The following SPATA6L variants were observed in gnomAD, a reference collection of about 807,000 sequenced individuals.
SPATA6L encodes the protein spermatogenesis associated 6 like.
In SPATA6L, 68 loss-of-function variants were observed where a neutral mutation model predicts 49.2. The ratio of observed to expected loss-of-function variants is 1.38; its 90% CI spans 1.14 to 1.69. The LOEUF (loss-of-function observed/expected upper bound fraction) is 1.69. Ranked by LOEUF, SPATA6L falls within the 40% of genes most tolerant of loss-of-function variation. The pLI, the probability that SPATA6L is intolerant of heterozygous loss-of-function variation, is 0.00. For synonymous variants in SPATA6L, 198 were observed against 165.7 expected (o/e 1.19, Z -1.50); for missense variants, 668 against 464.3 (o/e 1.44, Z -4.03).
chr9:4,594,422 C>T (rs754568867), downstream of SPATA6L, among the ~76,000 whole-genome samples: 1 of 152,144 alleles, frequency 6.6e-6, no homozygotes, highest in East Asian at 1.9e-4. Context: ...CCGTGTTAGC[C>T]AGGATGGTCT....
intron 7 of SPATA6L, among the ~76,000 whole-genome samples, chr9:4,622,149 G>A (rs553015999): frequency 6.6e-6 from 1 of 152,270 alleles, no homozygotes; most frequent in East Asian, 1.9e-4. Flanking sequence ...AACAGCCAGG[G>A]GACAACTGCA....
chr9:4,658,865 C>G (rs419083), intron 2 of SPATA6L, among the ~76,000 whole-genome samples: 91,010 of 149,818 alleles, frequency 0.61, 28,990 homozygotes, highest in African/African-American at 0.81. Context: ...GGTGGCAGAT[C>G]CCTGAACCTG....
At chr9:4,647,088 C>T (rs1390856427) in intron 3 of SPATA6L, among the ~76,000 whole-genome samples, 2 of 151,664 alleles carry the variant, frequency 1.3e-5, no homozygotes, top group Non-Finnish European at 2.9e-5. Context: ...AGCATTTCAC[C>T]TCCTGAAAAG....
intron 6 of SPATA6L, among the ~76,000 whole-genome samples, chr9:4,624,226 T>A (rs535530481): frequency 8.5e-5 from 13 of 152,374 alleles, no homozygotes; most frequent in African/African-American, 2.9e-4. Flanking sequence ...GAAATTTTTT[T>A]AATGTAATGT....
At chr9:4,589,492 C>G (rs761218847) in intron 13 of SPATA6L, among the ~76,000 whole-genome samples, 10 of 152,284 alleles carry the variant, frequency 6.6e-5, no homozygotes, top group Non-Finnish European at 1.0e-4. Flanking sequence ...AGCCCCCATT[C>G]TATAAAGGGG....
chr9:4,614,007 A>T (rs929232652), intron 9 of SPATA6L, among the ~76,000 whole-genome samples: 1 of 151,842 alleles, frequency 6.6e-6, no homozygotes, highest in African/African-American at 2.4e-5. Context: ...AGTAACCAAT[A>T]CCAAAGCGAC....
chr9:4,646,123 T>TAA (rs1554733070), intron 3 of SPATA6L, among the ~76,000 whole-genome samples: 1 of 149,414 alleles, frequency 6.7e-6, no homozygotes, highest in Non-Finnish European at 1.5e-5. Context: ...CTTAGGGTTT[T>TAA]ACACACACAC....
At chr9:4,621,251 T>A (rs1829223823) in intron 7 of SPATA6L, among the ~76,000 whole-genome samples, 1 of 152,202 alleles carries the variant, frequency 6.6e-6, no homozygotes. Context: ...TGGATTTCAG[T>A]CAAAAGCCTA....
intron 10 of SPATA6L, 99 bp downstream of exon 10, chr9:4,605,248 G>C (rs1824455027): frequency 1.1e-6 from 1 of 882,598 alleles, no homozygotes; most frequent in East Asian, 2.5e-5. Flanking sequence ...ACTTATTTCT[G>C]TGGTTATTTG....
At chr9:4,646,497 T>G (rs1052914634) in intron 3 of SPATA6L, 1 of 1,518,788 alleles carries the variant, frequency 6.6e-7, no homozygotes, top group African/African-American at 1.4e-5. Context: ...CTGGAGGAAC[T>G]AGCTGTATTA....
At chr9:4,641,233 C>T (rs545804576) in intron 3 of SPATA6L, among the ~76,000 whole-genome samples, 20 of 152,040 alleles carry the variant, frequency 1.3e-4, no homozygotes, top group African/African-American at 3.9e-4. Context: ...TAAATATATT[C>T]GTGTTTATAT....
At chr9:4,627,173 TA>T (rs138513201) in intron 5 of SPATA6L, 21,522 of 152,114 alleles carry the variant, frequency 0.14, 1,937 homozygotes, top group East Asian at 0.35. Flanking sequence ...AAAAAAACAA[TA>T]AAACTATTTG....
chr9:4,606,943 G>A (rs1372461791), intron 9 of SPATA6L, among the ~76,000 whole-genome samples: 3 of 145,184 alleles, frequency 2.1e-5, no homozygotes, highest in Non-Finnish European at 3.0e-5. Context: ...ACAGAGAAGT[G>A]CTTAAAGGAG....
chr9:4,651,452 C>G (rs1356872896), intron 3 of SPATA6L, among the ~76,000 whole-genome samples: 1 of 152,138 alleles, frequency 6.6e-6, no homozygotes, highest in Non-Finnish European at 1.5e-5. Context: ...TATTCACAAC[C>G]TCTTCCAAAA....
chr9:4,658,983 A>G (rs1838966168), intron 2 of SPATA6L, among the ~76,000 whole-genome samples: 1 of 151,788 alleles, frequency 6.6e-6, no homozygotes, highest in African/African-American at 2.4e-5. Flanking sequence ...TCTACAGAGC[A>G]AATTCAAAAT....
At chr9:4,659,600 T>G in intron 2 of SPATA6L, among the ~76,000 whole-genome samples, 1 of 152,180 alleles carries the variant, frequency 6.6e-6, no homozygotes, top group Non-Finnish European at 1.5e-5. Context: ...ATGGCCATAC[T>G]GCCCAGGGTA....
At chr9:4,666,181 G>T (rs763380686) in intron 1 of SPATA6L, 31 bp downstream of exon 1, 1 of 1,612,966 alleles carries the variant, frequency 6.2e-7, no homozygotes, top group East Asian at 2.2e-5. Context: ...CCGACTTGAG[G>T]TTAAGGAGGG....
intron 7 of SPATA6L, among the ~76,000 whole-genome samples, chr9:4,621,735 G>A (rs978328848): frequency 1.3e-5 from 2 of 152,166 alleles, no homozygotes; most frequent in Non-Finnish European, 2.9e-5. Context: ...TGATCTGCCT[G>A]CCTCGGCCTC....
intron 1 of SPATA6L, chr9:4,663,210 T>A (rs1237886851): frequency 6.2e-7 from 1 of 1,614,046 alleles, no homozygotes; most frequent in African/African-American, 1.3e-5. Context: ...GGACTATTGC[T>A]GGCTCTCACC....
Sources: allele counts gnomAD v4.1 joint callset (sites outside exome capture counted in the v4.1 genomes callset), GRCh38; gene constraint gnomAD v4.1.1; transcripts MANE v1.5; gene names NCBI Gene and HGNC (gene_info 2026-07-23, HGNC 2026-07-21).